HIVEP1: variants seen among roughly 807,000 people sequenced by gnomAD.
HIVEP1 encodes the protein HIVEP zinc finger 1.
Under a neutral mutation model 180.0 loss-of-function variants are expected in HIVEP1, and 36 were observed. That is an observed-to-expected ratio of 0.20 (90% CI 0.15 to 0.26). HIVEP1 has a LOEUF of 0.26. Among genes scored for constraint, HIVEP1 ranks in the 10% least tolerant of loss-of-function variants. The probability of loss-of-function intolerance (pLI) is 1.00; values close to 1 mark genes in which losing one functional copy is unlikely to be tolerated. For synonymous variants in HIVEP1, 1,239 were observed against 1,239.0 expected, an observed-to-expected ratio of 1.00 and a Z score of 0.00; for missense variants, 3,143 against 3,268.7, an observed-to-expected ratio of 0.96 and a Z score of 0.94.
At chr6:12,179,797 A>AT in the HIVEP1 span, among the ~76,000 whole-genome samples, 6 of 152,128 alleles carry the variant, frequency 3.9e-5, no homozygotes, top group African/African-American at 7.2e-5. Flanking sequence ...GATGTTAGGC[A>AT]TTTTTCCCAA....
intron 2 of HIVEP1, among the ~76,000 whole-genome samples, chr6:12,047,977 G>A (rs1051639943): frequency 2.0e-5 from 3 of 152,196 alleles, no homozygotes; most frequent in Non-Finnish European, 4.4e-5. Flanking sequence ...GTTCTGGCAC[G>A]TGCCTAGAGG....
At chr6:12,055,931 G>T (rs1054549009) in intron 2 of HIVEP1, among the ~76,000 whole-genome samples, 3 of 152,112 alleles carry the variant, frequency 2.0e-5, no homozygotes, top group East Asian at 3.9e-4. Context: ...ATCATTTTGG[G>T]GAACTGTACT....
intron 3 of HIVEP1, among the ~76,000 whole-genome samples, chr6:12,114,415 C>T (rs977238675): frequency 1.3e-5 from 2 of 152,130 alleles, no homozygotes; most frequent in East Asian, 3.9e-4. Flanking sequence ...CATGTTTTGT[C>T]TCATCTTTCT....
chr6:12,068,389 C>T (rs763887263), intron 2 of HIVEP1, among the ~76,000 whole-genome samples: 7 of 152,152 alleles, frequency 4.6e-5, no homozygotes, highest in Non-Finnish European at 1.0e-4. Flanking sequence ...CATGCCCAGC[C>T]TGACCTTAGA....
At chr6:12,137,946 T>G (rs1157096910) in intron 7 of HIVEP1, among the ~76,000 whole-genome samples, 2 of 152,236 alleles carry the variant, frequency 1.3e-5, no homozygotes, top group Non-Finnish European at 2.9e-5. Context: ...TTTTCTCATA[T>G]TTGCTTCACG....
At chr6:12,170,504 G>T in the HIVEP1 span, among the ~76,000 whole-genome samples, 2 of 152,194 alleles carry the variant, frequency 1.3e-5, no homozygotes, top group Non-Finnish European at 2.9e-5. Context: ...TGGAGAGGCT[G>T]CAACTCACAG....
At chr6:12,153,524 C>A (rs377502043) in intron 7 of HIVEP1, among the ~76,000 whole-genome samples, 1 of 130,536 alleles carries the variant, frequency 7.7e-6, no homozygotes, top group Non-Finnish European at 1.5e-5. Flanking sequence ...TGGCTGCAAC[C>A]GGAATAGAGC....
At chr6:12,172,643 T>A in the HIVEP1 span, among the ~76,000 whole-genome samples, 3 of 152,320 alleles carry the variant, frequency 2.0e-5, no homozygotes, top group Non-Finnish European at 4.4e-5. Context: ...TTAAAAAAAC[T>A]CACATTTTAT....
chr6:12,191,167 G>A, the HIVEP1 span, among the ~76,000 whole-genome samples: 5 of 152,214 alleles, frequency 3.3e-5, no homozygotes, highest in African/African-American at 9.6e-5. Flanking sequence ...TCTCACAATA[G>A]CATTCTAACA....
At chr6:12,147,423 C>T (rs1759444901) in intron 7 of HIVEP1, among the ~76,000 whole-genome samples, 1 of 152,188 alleles carries the variant, frequency 6.6e-6, no homozygotes, top group South Asian at 2.1e-4. Context: ...CCACATATAT[C>T]TGACTTTTAT....
At chr6:12,138,199 T>C (rs937940942) in intron 7 of HIVEP1, among the ~76,000 whole-genome samples, 2 of 152,248 alleles carry the variant, frequency 1.3e-5, no homozygotes, top group Non-Finnish European at 2.9e-5. Context: ...TGTAGATACC[T>C]AGATATTTGC....
intron 2 of HIVEP1, chr6:12,020,546 G>T (rs1172341655): frequency 2.4e-6 from 1 of 418,724 alleles, no homozygotes; most frequent in South Asian, 1.7e-5. Flanking sequence ...ATGGAATGGA[G>T]GAGTTGGTGA....
intron 2 of HIVEP1, among the ~76,000 whole-genome samples, chr6:12,068,921 C>A (rs1771781382): frequency 6.6e-6 from 1 of 152,194 alleles, no homozygotes; most frequent in South Asian, 2.1e-4. Flanking sequence ...TGCTCTTTAT[C>A]CTTATTATCA....
chr6:12,071,301 G>A (rs1350967484), intron 2 of HIVEP1, among the ~76,000 whole-genome samples: 1 of 152,152 alleles, frequency 6.6e-6, no homozygotes, highest in African/African-American at 2.4e-5. Flanking sequence ...TGATAGTGGG[G>A]GGCTGGCATT....
At chr6:12,041,750 G>A (rs932956118) in intron 2 of HIVEP1, among the ~76,000 whole-genome samples, 3 of 151,838 alleles carry the variant, frequency 2.0e-5, no homozygotes, top group East Asian at 1.9e-4. Context: ...TGCAACCTCC[G>A]CCTCCCAGGT....
chr6:12,115,555 G>A (rs1775162407), intron 3 of HIVEP1, among the ~76,000 whole-genome samples: 1 of 151,838 alleles, frequency 6.6e-6, no homozygotes, highest in Admixed American at 6.6e-5. Context: ...GATTTTTGAT[G>A]TGTTGATACC....
Position 12,120,692 on chromosome 6 carries a change from A to G in HIVEP1, c.897A>G (p.Gln299=), listed in dbSNP as rs369671697. The stretch of plus-strand genomic sequence containing the variant: ...TTCCCAAATCCAACCAACATAATCA[A>G]CAGCTTCCGGGGTGTTCAGGTTTCA... ...HFVPKSNQHN[Q]QLPGCSGFTG... is the part of the protein sequence containing the mutation. The change falls in exon 4 of 9, where the codon CAA becomes CAG. Residue 299 remains glutamine, a synonymous_variant. Coordinates refer to ENST00000379388, the MANE Select transcript of HIVEP1 (RefSeq NM_002114.4). 1.7e-5 allele frequency: 28 copies of G among 1,614,054 alleles called. No individual in the cohort carries two copies. Among genetic ancestry groups the G allele is most frequent in the Middle Eastern group, 1.6e-4 (1 of 6,082 alleles).
At chr6:12,069,460 C>G (rs192456069) in intron 2 of HIVEP1, among the ~76,000 whole-genome samples, 2 of 151,314 alleles carry the variant, frequency 1.3e-5, no homozygotes, top group East Asian at 2.0e-4. Flanking sequence ...TTAGGATATA[C>G]TCAATTTTTT....
rs1031791507 is a variant in HIVEP1, at chr6:12,121,500, A to G, written c.1705A>G (p.Thr569Ala). Residue 569 changes from threonine (T) to alanine (A), a missense_variant, in exon 4 of 9, where the codon ACT becomes GCT. Physicochemically the swap from Thr to Ala is moderately conservative, Grantham distance 58. Transcript: ENST00000379388. This position sits in a 1 kb window ranked among gnomAD's most constrained non-coding sequence, Gnocchi z 5.3. ...ELPKVVVHHV[T>A]VSPLRTDSPK... The stretch of plus-strand genomic sequence containing the variant: ...ACCGAAAGTTGTGGTCCACCATGTC[A>G]CTGTGTCCCCCTTAAGAACTGACAG... 7 of 1,614,060 alleles carry G rather than the reference A, an allele frequency of 4.3e-6. No homozygotes were observed. The Admixed American group carries it at 6.7e-5, about 15-fold the overall frequency.
Sources: allele counts gnomAD v4.1 joint callset (sites outside exome capture counted in the v4.1 genomes callset), GRCh38; gene constraint gnomAD v4.1.1; non-coding constraint Gnocchi (gnomAD v3.1); transcripts MANE v1.5; gene names NCBI Gene and HGNC (gene_info 2026-07-23, HGNC 2026-07-21).